Variants in GBP7 observed in about 807,000 individuals in gnomAD.
The protein encoded by GBP7 is guanylate binding protein 7.
GBP7 carries 43 observed loss-of-function variants against 61.3 expected under a neutral mutation model. That is an observed-to-expected ratio of 0.70 (90% CI 0.55 to 0.91). The LOEUF (loss-of-function observed/expected upper bound fraction) is 0.91. GBP7 is among the 40% of genes least tolerant of loss of function. The pLI is 0.00. For synonymous variants in GBP7, 267 were observed against 271.0 expected (o/e 0.99, Z 0.14); for missense variants, 717 against 740.5 (o/e 0.97, Z 0.37).
intron 4 of GBP7, 28 bp downstream of exon 4, chr1:89,152,640 C>G (rs776315070): frequency 6.2e-7 from 1 of 1,600,698 alleles, no homozygotes; most frequent in Non-Finnish European, 8.5e-7. Context: ...CTCCATAAAA[C>G]CTGGCTCTTC....
At chr1:89,169,987 C>T (rs1647553630) in intron 2 of GBP7, among the ~76,000 whole-genome samples, 1 of 152,164 alleles carries the variant, frequency 6.6e-6, no homozygotes, top group Non-Finnish European at 1.5e-5. Flanking sequence ...ATGCCAATCC[C>T]AAATCTTTAC....
chr1:89,154,210 C>T (rs1374830543), intron 3 of GBP7, among the ~76,000 whole-genome samples: 2 of 152,182 alleles, frequency 1.3e-5, no homozygotes, highest in African/African-American at 4.8e-5. Context: ...CCATTACAAT[C>T]TATTTCAAAT....
intron 9 of GBP7, among the ~76,000 whole-genome samples, chr1:89,137,499 G>A (rs907096276): frequency 3.3e-5 from 5 of 152,060 alleles, no homozygotes; most frequent in Non-Finnish European, 1.5e-5. Context: ...GGTTGATTCA[G>A]CATATGCTAA....
chr1:89,154,074 A>G (rs746317361), intron 3 of GBP7, among the ~76,000 whole-genome samples: 2 of 152,258 alleles, frequency 1.3e-5, no homozygotes, highest in Non-Finnish European at 2.9e-5. Flanking sequence ...CTTAAATAGA[A>G]TTAAATGCTG....
In GBP7 at chr1:89,159,339, A is replaced by G. The variant is rs147155511; in HGVS notation, c.318+5392T>C. On this transcript the variant is annotated intron_variant, in intron 3 of 10. Coordinates refer to ENST00000294671, the MANE Select transcript of GBP7 (RefSeq NM_207398.3). ...GACTAAAACACCAAAAGCAATGGCA[A>G]CAAAAGCCAAAATAGACAAATGGGA... Among the ~76,000 whole-genome samples the G allele has an allele frequency of 4.8e-3, 735 of 152,374 alleles. 19 individuals are homozygous for G. In the East Asian group the frequency reaches 0.058, roughly 12 times the overall value.
At chr1:89,159,029 A>G (rs1005953626) in intron 3 of GBP7, among the ~76,000 whole-genome samples, 5 of 152,200 alleles carry the variant, frequency 3.3e-5, no homozygotes, top group African/African-American at 1.2e-4. Flanking sequence ...GACCAATGGA[A>G]CAAAACAGAG....
chr1:89,134,922 G>A (rs1681764160), intron 9 of GBP7, among the ~76,000 whole-genome samples: 2 of 152,120 alleles, frequency 1.3e-5, no homozygotes, highest in Non-Finnish European at 1.5e-5. Context: ...GGAGACAGTT[G>A]AGATACAGTC....
In GBP7 at chr1:89,132,245, T is replaced by C. The variant is rs1681695602; in HGVS notation, c.1821A>G (p.Ala607=). 3.1e-6 allele frequency: 5 copies of C among 1,613,142 alleles called. No homozygotes were observed. The African/African-American group carries it at 5.3e-5, about 17-fold the overall frequency. ...LDVAGSIFIA[A]LPGAAKLVDL... Reference sequence around the variant, plus strand: ...CAACTAGCTTAGCAGCCCCAGGTAGTGCTGCAATAAATATACTGCCAGCCA... The same window carrying C: ...CAACTAGCTTAGCAGCCCCAGGTAGCGCTGCAATAAATATACTGCCAGCCA... Residue 607 remains alanine (A), a synonymous_variant, in exon 11 of 11, where the codon GCA becomes GCG. Transcript: ENST00000294671.
intron 2 of GBP7, among the ~76,000 whole-genome samples, chr1:89,165,790 A>G (rs1647409257): frequency 6.6e-6 from 1 of 152,088 alleles, no homozygotes; most frequent in Non-Finnish European, 1.5e-5. Context: ...TAGGGGAGGG[A>G]TAGTATTAGG....
At chr1:89,153,339 T>C (rs1469343981) in intron 3 of GBP7, among the ~76,000 whole-genome samples, 1 of 152,226 alleles carries the variant, frequency 6.6e-6, no homozygotes, top group East Asian at 1.9e-4. Flanking sequence ...AAGATCATGT[T>C]AAAGTCAAGC....
At chr1:89,166,460 T>G (rs1413475403) in intron 2 of GBP7, among the ~76,000 whole-genome samples, 1 of 152,158 alleles carries the variant, frequency 6.6e-6, no homozygotes, top group Non-Finnish European at 1.5e-5. Context: ...ACCAGATTTG[T>G]TAGTAACAGA....
chr1:89,152,988 C>G (rs113305373), intron 3 of GBP7, among the ~76,000 whole-genome samples: 5,017 of 152,212 alleles, frequency 0.033, 269 homozygotes, highest in African/African-American at 0.11. Context: ...ACCTAAACAT[C>G]TCTATTTGCC....
chr1:89,145,116 C>T (rs534465234), intron 8 of GBP7, among the ~76,000 whole-genome samples: 1 of 152,152 alleles, frequency 6.6e-6, no homozygotes, highest in Non-Finnish European at 1.5e-5. Flanking sequence ...CCATGCCAGG[C>T]TAATTTTTGT....
intron 5 of GBP7, among the ~76,000 whole-genome samples, chr1:89,151,259 T>G (rs59457499): frequency 0.021 from 3,253 of 152,300 alleles, 35 homozygotes; most frequent in Middle Eastern, 0.048. Flanking sequence ...TTTCTATGTA[T>G]TTGACGTTTT....
In GBP7 at chr1:89,150,467, A is replaced by G. The variant is rs1432058683; in HGVS notation, c.734T>C (p.Leu245Pro). 1.9e-6 allele frequency: 3 copies of G among 1,613,900 alleles called. No individual in the cohort carries two copies. The highest frequency in any genetic ancestry group is 4.5e-5 in the East Asian group (2 of 44,866). The change falls in exon 6 of 11, where the codon CTC (leucine) becomes CCC (proline). Residue 245 changes from leucine to proline, a missense_variant. Leu to Pro is a moderately conservative substitution (Grantham distance 98). Around this residue, in one of 3 missense-constraint regions of GBP7, gnomAD observed 387 missense variants for 385.2 expected, o/e 1.00. Transcript: ENST00000294671. Reference sequence around the variant, plus strand: ...TCGTACTTCTTCAACATGGAGTAAGAGTTTTTTGTCATTTATTGGCCGGTC... The same window carrying G: ...TCGTACTTCTTCAACATGGAGTAAGGGTTTTTTGTCATTTATTGGCCGGTC... The part of the protein sequence containing the change: ...VFDRPINDKK[L>P]LLHVEEVRED...
At chr1:89,157,650 C>A (rs967140003) in intron 3 of GBP7, among the ~76,000 whole-genome samples, 1 of 152,028 alleles carries the variant, frequency 6.6e-6, no homozygotes, top group Non-Finnish European at 1.5e-5. Context: ...CAAGACTAAA[C>A]CAGGAAGAAG....
At chr1:89,172,029 C>T in intron 1 of GBP7, 75 bp from the exon 2 acceptor site, 1 of 1,020,620 alleles carries the variant, frequency 9.8e-7, no homozygotes, top group South Asian at 1.6e-5. Context: ...GGGCATAAAT[C>T]TTTGTTTTCT....
Position 89,141,542 on chromosome 1 carries a change from G to C in GBP7, c.1468+4C>G, listed in dbSNP as rs760835594. 5 of 1,612,910 alleles carry C rather than the reference G, an allele frequency of 3.1e-6. No individual in the cohort carries two copies. The African/African-American group carries it at 5.3e-5, about 17-fold the overall frequency. On this transcript the variant is annotated splice_donor_region_variant and intron_variant, in intron 9 of 10. Coordinates refer to ENST00000294671, the MANE Select transcript of GBP7 (RefSeq NM_207398.3). ...TGCCTGAGAGCTGAGCCCTGCCCCT[G>C]TACCTGCTATGGCCTTCTCTCCAGC...
At chr1:89,146,116 T>C (rs1321792524) in intron 8 of GBP7, among the ~76,000 whole-genome samples, 1 of 152,108 alleles carries the variant, frequency 6.6e-6, no homozygotes, top group East Asian at 1.9e-4. Flanking sequence ...TCTAACTGCA[T>C]GGAACAGAAT....
Sources: gnomAD v4.1 joint callset for allele counts (sites outside exome capture counted in the v4.1 genomes callset) on GRCh38, gnomAD v4.1.1 for gene constraint, gnomAD v4.1.1 regional missense constraint, MANE v1.5 for transcripts, NCBI Gene and HGNC (gene_info 2026-07-23, HGNC 2026-07-21) for gene names.